TBC1D16: variants seen among roughly 807,000 people sequenced by gnomAD.
TBC1D16 encodes CTD-2529O21.1.
A neutral mutation model predicts 74.7 loss-of-function variants in TBC1D16; 58 were observed. The observed-to-expected ratio is 0.78, with a 90% confidence interval of 0.63 to 0.97. The LOEUF (loss-of-function observed/expected upper bound fraction) is 0.97, where lower values mean the gene tolerates loss of function less well. Among genes scored for constraint, TBC1D16 ranks in the 50% least tolerant of loss-of-function variants. TBC1D16 has a pLI of 0.00. For synonymous variants in TBC1D16, 493 were observed against 474.7 expected (o/e 1.04, Z -0.50); for missense variants, 1,014 against 1,079.5 (o/e 0.94, Z 0.85).
At chr17:80,024,465 A>G (rs1222736851) in intron 1 of TBC1D16, among the ~76,000 whole-genome samples, 16 of 130,010 alleles carry the variant, frequency 1.2e-4, no homozygotes, top group Non-Finnish European at 1.4e-4. Context: ...CACACCATAG[A>G]CACACACACC....
rs550745992 is a variant in TBC1D16 at position 79,954,710 on chromosome 17, C to G, written c.780-1892G>C. ...CCCTTCTGTCATCTGCTCATTGAAC[C>G]GCGGGGCTGCTGTGACTGTGAGAGC... is the stretch of plus-strand genomic sequence containing the variant. On this transcript the variant is annotated intron_variant, in intron 3 of 11. Transcript: ENST00000310924. The surrounding 1 kb of genome is among the most constrained non-coding windows in gnomAD (Gnocchi z 5.5). 6.6e-6 allele frequency among the ~76,000 whole-genome samples: 1 copy of G among 152,274 alleles called. No homozygotes were observed. Among genetic ancestry groups the G allele is most frequent in the East Asian group, 1.9e-4 (1 of 5,182 alleles).
chr17:79,999,447 A>G (rs1485068574), intron 3 of TBC1D16, among the ~76,000 whole-genome samples: 1 of 151,644 alleles, frequency 6.6e-6, no homozygotes, highest in African/African-American at 2.4e-5. Flanking sequence ...TTGAAAGTCC[A>G]GGAAGAAAAC....
In TBC1D16 at chr17:79,938,143, T is replaced by C. The variant is rs2031738938; in HGVS notation, c.*2716A>G. On this transcript the variant is annotated 3_prime_UTR_variant, in exon 12 of 12. Transcript: ENST00000310924. ...CCCGGGGCAACAGCTGCCGCGGGGT[T>C]TTTGGCTGGTTTCCTCTAATTGCAT... is the stretch of plus-strand genomic sequence containing the variant. The C allele has an allele frequency of 6.6e-6, 1 of 152,110 alleles. No homozygotes were observed. The highest frequency in any genetic ancestry group is 1.5e-5 in the Non-Finnish European group (1 of 68,022). 9.4% of individuals were successfully genotyped at this position (152,110 alleles called of 1,614,324 possible).
intron 3 of TBC1D16, among the ~76,000 whole-genome samples, chr17:79,960,146 G>T (rs1361324115): frequency 2.0e-5 from 3 of 152,030 alleles, no homozygotes; most frequent in African/African-American, 7.2e-5. Flanking sequence ...ATAAGCCACA[G>T]ACTGGGAAAA....
At chr17:80,005,338 G>A (rs1598414799) in intron 3 of TBC1D16, among the ~76,000 whole-genome samples, 2 of 152,160 alleles carry the variant, frequency 1.3e-5, no homozygotes, top group East Asian at 1.9e-4. Context: ...GCACATCCCC[G>A]GGGCAGGGTC....
chr17:80,006,822 C>A (rs2035695558), intron 3 of TBC1D16, among the ~76,000 whole-genome samples: 1 of 152,078 alleles, frequency 6.6e-6, no homozygotes, highest in Non-Finnish European at 1.5e-5. Flanking sequence ...CTATGCCCAG[C>A]TAATTTTTAT....
Position 79,936,909 on chromosome 17 carries a change from C to CGT in TBC1D16, c.*3948_*3949dup, listed in dbSNP as rs71959726. 0.043 allele frequency: 5,251 copies of CGT among 122,202 alleles called. 92 individuals carry two copies. Among genetic ancestry groups the CGT allele is most frequent in the Middle Eastern group, 0.056 (14 of 250 alleles). 7.6% of individuals were successfully genotyped at this position (122,202 alleles called of 1,614,324 possible). On this transcript the variant is annotated 3_prime_UTR_variant, in exon 12 of 12. Coordinates refer to ENST00000310924, the MANE Select transcript of TBC1D16 (RefSeq NM_019020.4). ...GTGCATGCGTGCGTGTGTGCATGTG[C>CGT]GTGTGTGTGTGTGTGTGTGTGTGTG...
rs141943473 is a variant in TBC1D16, at chr17:79,942,064, C to G, written c.2051G>C (p.Arg684Pro). The part of the protein sequence containing the change: ...AMHMNGELVL[R>P]KARSLLYQFR... ...CCACATCTGGGGCAGCCTCACCTTC[C>G]GGAGAACGAGCTCCCCGTTCATGTG... The change falls in exon 11 of 12, where the codon CGG (arginine) becomes CCG (proline). Residue 684 changes from arginine (R) to proline (P), a missense_variant. Arg to Pro is a moderately radical substitution (Grantham distance 103, BLOSUM62 -2). Transcript: ENST00000310924. 9.3e-6 allele frequency: 15 copies of G among 1,610,364 alleles called. No individual in the cohort carries two copies. The highest frequency in any genetic ancestry group is 1.2e-5 in the Non-Finnish European group (14 of 1,179,290).
Position 79,986,865 on chromosome 17 carries a change from G to A in TBC1D16, c.779+23295C>T, listed in dbSNP as rs777152752. On this transcript the variant is annotated intron_variant, in intron 3 of 11. Coordinates refer to ENST00000310924, the MANE Select transcript of TBC1D16 (RefSeq NM_019020.4). This position sits in a 1 kb window ranked among gnomAD's most constrained non-coding sequence, Gnocchi z 6.0. The stretch of plus-strand genomic sequence containing the variant: ...CCTGAGGCCGGGCCGGTGGGAGGGC[G>A]TGATGCATGGGAGGAGCTGGACTGC... Among the ~76,000 whole-genome samples the A allele has an allele frequency of 1.3e-5, 2 of 152,356 alleles. No individual in the cohort carries two copies. The highest frequency in any genetic ancestry group is 2.4e-5 in the African/African-American group (1 of 41,586).
At chr17:79,984,066 T>TG (rs1255073401) in intron 3 of TBC1D16, among the ~76,000 whole-genome samples, 105 of 2,208 alleles carry the variant, frequency 0.048, no homozygotes, top group Admixed American at 0.076. Flanking sequence ...GATGGCGGGG[T>TG]GGGGGGGCGG....
chr17:80,025,582 G>A (rs9894820), intron 1 of TBC1D16, among the ~76,000 whole-genome samples: 1 of 120,130 alleles, frequency 8.3e-6, no homozygotes, highest in Non-Finnish European at 2.0e-5. Flanking sequence ...GGGAGCAGCC[G>A]CCTGCTGGGA....
chr17:80,025,780 G>A (rs2036563828), intron 1 of TBC1D16: 1 of 149,722 alleles, frequency 6.7e-6, no homozygotes, highest in Non-Finnish European at 1.5e-5. Flanking sequence ...AGGTTCACCT[G>A]TCGGTGTCAC....
chr17:80,025,354 G>A (rs1054161711), intron 1 of TBC1D16, among the ~76,000 whole-genome samples: 11 of 149,678 alleles, frequency 7.3e-5, no homozygotes, highest in Non-Finnish European at 1.5e-4. Context: ...ATCCGGGGCC[G>A]CAGGAGCCTC....
intron 3 of TBC1D16, among the ~76,000 whole-genome samples, chr17:79,972,097 A>G (rs1025348514): frequency 1.3e-5 from 2 of 152,240 alleles, no homozygotes; most frequent in Admixed American, 6.5e-5. Context: ...CCCAGTGTCC[A>G]TCGATGGGTG....
intron 3 of TBC1D16, among the ~76,000 whole-genome samples, chr17:79,960,619 C>T (rs185648418): frequency 3.3e-5 from 5 of 151,420 alleles, no homozygotes; most frequent in African/African-American, 7.3e-5. Context: ...TAGTAGGCAT[C>T]GCAGTGCACC....
At chr17:79,978,451 G>C (rs12945356) in intron 3 of TBC1D16, among the ~76,000 whole-genome samples, 21,730 of 152,264 alleles carry the variant, frequency 0.14, 1,883 homozygotes, top group Non-Finnish European at 0.19. Flanking sequence ...TGCCAGCCGT[G>C]GGGGCGGGGT....
At chr17:79,953,556 C>T (rs1483656524) in intron 3 of TBC1D16, among the ~76,000 whole-genome samples, 3 of 152,166 alleles carry the variant, frequency 2.0e-5, no homozygotes, top group Non-Finnish European at 4.4e-5. Context: ...ACACAGCTGG[C>T]AAGTGGTAGA....
Position 79,961,031 on chromosome 17 carries a change from T to C in TBC1D16, c.780-8213A>G, listed in dbSNP as rs1280880870. Among the ~76,000 whole-genome samples the C allele has an allele frequency of 6.6e-6, 1 of 152,160 alleles. No individual in the cohort carries two copies. The highest frequency in any genetic ancestry group is 1.5e-5 in the Non-Finnish European group (1 of 68,020). On this transcript the variant is annotated intron_variant, in intron 3 of 11. Coordinates refer to ENST00000310924, the MANE Select transcript of TBC1D16 (RefSeq NM_019020.4). This position sits in a 1 kb window ranked among gnomAD's most constrained non-coding sequence, Gnocchi z 4.8. Reference sequence around the variant, plus strand: ...CACGAAATCTGTGTGTGAATGTTTATAGCAGTTTTATTCATCATTGCAGAA... The same window carrying C: ...CACGAAATCTGTGTGTGAATGTTTACAGCAGTTTTATTCATCATTGCAGAA...
chr17:79,950,446 G>A lies in TBC1D16; in HGVS notation c.1222C>T (p.Leu408=). ...TTGTACTCCTCCTCCACCTGGCCCA[G>A]CTCATTCAGGTGGTTGAGCCAGGCG... The part of the protein sequence containing the change: ...VSAWLNHLNE[L]GQVEEEYKLR... Residue 408 remains leucine, a synonymous_variant, in exon 6 of 12, where the codon CTG becomes TTG. Transcript: ENST00000310924. This position sits in a 1 kb window ranked among gnomAD's most constrained non-coding sequence, Gnocchi z 4.6. 6.2e-7 allele frequency: 1 copy of A among 1,612,840 alleles called. No individual in the cohort carries two copies. The highest frequency in any genetic ancestry group is 8.5e-7 in the Non-Finnish European group (1 of 1,179,866).
Sources: allele counts gnomAD v4.1 joint callset (sites outside exome capture counted in the v4.1 genomes callset), GRCh38; gene constraint gnomAD v4.1.1; non-coding constraint Gnocchi (gnomAD v3.1); transcripts MANE v1.5; gene names NCBI Gene and HGNC (gene_info 2026-07-23, HGNC 2026-07-21).